USP34: variants seen among roughly 807,000 people sequenced by gnomAD.
USP34 encodes ubiquitin specific peptidase 34, also known as ubiquitin carboxyl-terminal hydrolase 34.
In USP34, 70 loss-of-function variants were observed where a neutral mutation model predicts 460.3. The observed-to-expected ratio is 0.15, with a 90% CI of 0.13 to 0.19. The LOEUF (loss-of-function observed/expected upper bound fraction) is 0.19, where lower values mean the gene tolerates loss of function less well. Ranked by LOEUF, USP34 falls within the 10% of genes least tolerant of loss-of-function variation. The probability of loss-of-function intolerance (pLI) is 1.00; values close to 1 mark genes in which losing one functional copy is unlikely to be tolerated. For missense variants in USP34, 3,985 were observed against 4,236.2 expected (o/e 0.94, Z 1.65); for synonymous variants, 1,647 against 1,405.3 (o/e 1.17, Z -3.85).
At chr2:61,404,774 GT>G (rs1480052869) in intron 3 of USP34, among the ~76,000 whole-genome samples, 1 of 152,102 alleles carries the variant, frequency 6.6e-6, no homozygotes, top group Non-Finnish European at 1.5e-5. Flanking sequence ...ATAAACCACT[GT>G]TAAGTCATTA....
intron 32 of USP34, 138 bp from the exon 33 acceptor site, chr2:61,293,688 T>C (rs1689931047): frequency 1.7e-6 from 1 of 605,760 alleles, no homozygotes; most frequent in Non-Finnish European, 2.8e-6. Context: ...ACCAAAATAA[T>C]TTCTAGACAA....
intron 5 of USP34, among the ~76,000 whole-genome samples, chr2:61,387,240 C>A (rs1382331231): frequency 6.6e-6 from 1 of 152,038 alleles, no homozygotes; most frequent in Non-Finnish European, 1.5e-5. Context: ...GCAGTCAGAT[C>A]ACTTTGAGGT....
At chr2:61,365,294 T>TACAC (rs1255160949) in intron 10 of USP34, among the ~76,000 whole-genome samples, 7 of 109,756 alleles carry the variant, frequency 6.4e-5, no homozygotes, top group East Asian at 2.1e-4. Context: ...CACACACACG[T>TACAC]GTGTTTATTT....
intron 75 of USP34, chr2:61,200,088 G>C (rs1572829535): frequency 6.6e-6 from 1 of 152,396 alleles, no homozygotes; most frequent in African/African-American, 2.4e-5. Context: ...GTCTCTCTCT[G>C]TTGCCCTGGC....
At chr2:61,434,183 T>A (rs1188502318) in intron 1 of USP34, among the ~76,000 whole-genome samples, 1 of 152,156 alleles carries the variant, frequency 6.6e-6, no homozygotes, top group African/African-American at 2.4e-5. Context: ...CTCTGCCCCA[T>A]GTAGACATGC....
At chr2:61,392,206 C>T (rs1693369832) in intron 5 of USP34, among the ~76,000 whole-genome samples, 1 of 152,122 alleles carries the variant, frequency 6.6e-6, no homozygotes, top group African/African-American at 2.4e-5. Flanking sequence ...GTGACATGCA[C>T]CTTTAGTCCC....
At chr2:61,194,172 G>A (rs1172603592) in intron 75 of USP34, 1 of 985,238 alleles carries the variant, frequency 1.0e-6, no homozygotes, top group African/African-American at 1.7e-5. Context: ...TACCAAGGAT[G>A]CCTAGGATCC....
intron 2 of USP34, among the ~76,000 whole-genome samples, chr2:61,411,672 T>C (rs1308447083): frequency 2.6e-5 from 4 of 152,150 alleles, no homozygotes; most frequent in African/African-American, 9.7e-5. Context: ...TAGTTTAGTG[T>C]ATTTGTGGTG....
rs929729699 is a variant in USP34 at position 61,222,479 on chromosome 2, C to T, written c.7794+140G>A. On this transcript the variant is annotated intron_variant, in intron 65 of 79. Coordinates refer to ENST00000398571, the MANE Select transcript of USP34 (RefSeq NM_014709.4). ...CATGATTAGTAGTTCATTTTATTCA[C>T]ATTATACACTTAAAAATAGGTTATT... is the stretch of plus-strand genomic sequence containing the variant. 1.1e-5 allele frequency: 7 copies of T among 636,202 alleles called. No individual in the cohort carries two copies. The African/African-American group carries it at 1.3e-4, about 12-fold the overall frequency. 39.4% of individuals were successfully genotyped at this position (636,202 alleles called of 1,614,324 possible).
chr2:61,338,771 A>G (rs547189952), intron 18 of USP34, among the ~76,000 whole-genome samples: 1 of 152,228 alleles, frequency 6.6e-6, no homozygotes, highest in Non-Finnish European at 1.5e-5. Context: ...GAATTCAAAC[A>G]AGAGAAAAAA....
Position 61,320,936 on chromosome 2 carries a change from G to C in USP34, c.3014-1609C>G, listed in dbSNP as rs190252992. Reference sequence around the variant, plus strand: ...AAGGCACGAGAATCGCTGGAACCCGGGAGGTGGAGGTTGCAGTGAGCTGAG... The same window carrying C: ...AAGGCACGAGAATCGCTGGAACCCGCGAGGTGGAGGTTGCAGTGAGCTGAG... On this transcript the variant is annotated intron_variant, in intron 21 of 79. Coordinates refer to ENST00000398571, the MANE Select transcript of USP34 (RefSeq NM_014709.4). Among the ~76,000 whole-genome samples, 660 of 152,180 alleles carry C rather than the reference G, an allele frequency of 4.3e-3. 7 individuals carry two copies. The highest frequency in any genetic ancestry group is 6.7e-3 in the Non-Finnish European group (457 of 67,998).
chr2:61,198,348 A>T (rs1264670867), intron 75 of USP34, among the ~76,000 whole-genome samples: 1 of 152,180 alleles, frequency 6.6e-6, no homozygotes, highest in Admixed American at 6.5e-5. Flanking sequence ...ATATAGGTGA[A>T]CTATGGTTTA....
intron 75 of USP34, among the ~76,000 whole-genome samples, chr2:61,196,130 G>C (rs1686800241): frequency 7.4e-6 from 1 of 134,960 alleles, no homozygotes; most frequent in East Asian, 2.2e-4. Flanking sequence ...GCACAGGCTG[G>C]AGTGCAGTGG....
chr2:61,319,101 C>CA lies in USP34; in HGVS notation c.3168+71dup. On this transcript the variant is annotated intron_variant, in intron 22 of 79. Coordinates refer to ENST00000398571, the MANE Select transcript of USP34 (RefSeq NM_014709.4). Reference sequence around the variant, plus strand: ...AACTGTCAAAAAAAAAAAGGCATTACAGAATTCGTATTTCAAGAGATGAAA... The same window carrying CA: ...AACTGTCAAAAAAAAAAAGGCATTACAAGAATTCGTATTTCAAGAGATGAAA... The CA allele has an allele frequency of 9.3e-6, 13 of 1,395,390 alleles. No individual in the cohort carries two copies. In the South Asian group the frequency reaches 2.0e-4, roughly 21 times the overall value. The allele number at this position is 1,395,390 out of a possible 1,614,324, so 86.4% of individuals were successfully genotyped here. A position where few individuals can be genotyped will look rare whatever the true frequency, so the allele number is the denominator to read the frequency against.
chr2:61,395,771 A>G (rs1213525170), intron 3 of USP34, among the ~76,000 whole-genome samples: 1 of 126,644 alleles, frequency 7.9e-6, no homozygotes, highest in African/African-American at 3.1e-5. Flanking sequence ...GGGCGACAGA[A>G]CGAGACTCCG....
intron 5 of USP34, 45 bp from the exon 6 acceptor site, chr2:61,383,381 A>G: frequency 7.4e-7 from 1 of 1,359,318 alleles, no homozygotes; most frequent in East Asian, 2.3e-5. Flanking sequence ...AATATGTGAA[A>G]TACATATATC....
intron 20 of USP34, among the ~76,000 whole-genome samples, chr2:61,325,728 G>A (rs1038323171): frequency 2.0e-5 from 3 of 152,184 alleles, no homozygotes; most frequent in South Asian, 2.1e-4. Context: ...TGAAGCAGAG[G>A]AAGTATGTCA....
intron 53 of USP34, among the ~76,000 whole-genome samples, chr2:61,240,819 C>T (rs961163382): frequency 1.3e-5 from 2 of 151,622 alleles, no homozygotes; most frequent in African/African-American, 2.4e-5. Context: ...CGTGATCCAC[C>T]TGTCTGAGCT....
At chr2:61,337,969 G>A (rs1187365769) in intron 18 of USP34, among the ~76,000 whole-genome samples, 11 of 152,124 alleles carry the variant, frequency 7.2e-5, no homozygotes, top group Admixed American at 6.5e-4. Context: ...ACAATTAACT[G>A]TTATAAAACC....
Sources: gnomAD v4.1 joint callset for allele counts (sites outside exome capture counted in the v4.1 genomes callset) on GRCh38, gnomAD v4.1.1 for gene constraint, MANE v1.5 for transcripts, NCBI Gene and HGNC (gene_info 2026-07-23, HGNC 2026-07-21) for gene names.